Variants in GCLM observed in about 807,000 individuals in gnomAD.
GCLM encodes glutamate-cysteine ligase modifier subunit.
In GCLM, 15 loss-of-function variants were observed where a neutral mutation model predicts 36.0. The ratio of observed to expected loss-of-function variants is 0.42; its 90% CI spans 0.28 to 0.64. The LOEUF is 0.64. GCLM is among the 30% of genes least tolerant of loss of function. The pLI is 0.25. For synonymous variants in GCLM, 129 were observed against 122.8 expected (o/e 1.05, Z -0.34); for missense variants, 242 against 325.5 (o/e 0.74, Z 1.97).
intron 6 of GCLM, 55 bp downstream of exon 6, chr1:93,894,559 T>C: frequency 2.1e-6 from 2 of 953,444 alleles, no homozygotes; most frequent in South Asian, 1.3e-5. Context: ...AACAAATACC[T>C]TTTTGTAAGA....
At chr1:93,894,510 C>A in intron 6 of GCLM, 104 bp downstream of exon 6, 1 of 666,686 alleles carries the variant, frequency 1.5e-6, no homozygotes, top group Non-Finnish European at 2.7e-6. Flanking sequence ...TCAGATAACA[C>A]TGTATTTTTA....
At chr1:93,904,331 G>A in intron 2 of GCLM, 192 bp downstream of exon 2, 1 of 569,008 alleles carries the variant, frequency 1.8e-6, no homozygotes, top group Non-Finnish European at 3.2e-6. Flanking sequence ...TGGTTAAAGA[G>A]TTGCCTACGG....
At position 93,900,622 on chromosome 1, in the gene GCLM, G is replaced by T. The variant is rs184349765; in HGVS notation, c.277+963C>A. On this transcript the variant is annotated intron_variant, in intron 3 of 6. Coordinates refer to ENST00000370238, the MANE Select transcript of GCLM (RefSeq NM_002061.4). ...TGCAGGATTGTCTTGAGAATTAAAT[G>T]AGAAAATATAACCATAAAGTACCAA... Among the ~76,000 whole-genome samples the T allele has an allele frequency of 1.1e-4, 16 of 152,230 alleles. No individual in the cohort carries two copies. In the East Asian group the frequency reaches 2.9e-3, roughly 28 times the overall value.
intron 1 of GCLM, among the ~76,000 whole-genome samples, chr1:93,906,337 T>C (rs993772824): frequency 2.6e-5 from 4 of 152,192 alleles, no homozygotes; most frequent in African/African-American, 9.7e-5. Context: ...AGTATTTTCT[T>C]AAAAATTAGT....
chr1:93,906,737 G>A (rs1657158787), intron 1 of GCLM, among the ~76,000 whole-genome samples: 1 of 152,062 alleles, frequency 6.6e-6, no homozygotes, highest in Non-Finnish European at 1.5e-5. Context: ...TAATGTTTAT[G>A]TTTGTTCTCC....
In GCLM at chr1:93,886,690, T is replaced by C. The variant is rs1040386617; in HGVS notation, c.*2300A>G. On this transcript the variant is annotated 3_prime_UTR_variant, in exon 7 of 7. Transcript: ENST00000370238. Reference sequence around the variant, plus strand: ...ATACATTAGCAACTAAGTTTTTTTTTCCCCCACTTTCAAAATAACCCTTCA... The same window carrying C: ...ATACATTAGCAACTAAGTTTTTTTTCCCCCCACTTTCAAAATAACCCTTCA... The C allele has an allele frequency of 3.3e-5, 5 of 151,756 alleles. No homozygotes were observed. The highest frequency in any genetic ancestry group is 6.6e-5 in the Admixed American group (1 of 15,220). 9.4% of individuals were successfully genotyped at this position (151,756 alleles called of 1,614,324 possible). A position where few individuals can be genotyped will look rare whatever the true frequency, so the allele number is the denominator to read the frequency against.
Position 93,896,585 on chromosome 1 carries a change from TC to T in GCLM, c.540+32del. On this transcript the variant is annotated intron_variant, in intron 5 of 6. Transcript: ENST00000370238. ...GCAAAGACTGAAAAGGGCAAGTTCT[TC>T]CTGGAGTGCTCATGATCCTGCCATC... 1.3e-6 allele frequency: 2 copies of T among 1,554,802 alleles called. 1 individual carries two copies. Among genetic ancestry groups the T allele is most frequent in the Middle Eastern group, 3.4e-4 (2 of 5,948 alleles).
intron 6 of GCLM, among the ~76,000 whole-genome samples, chr1:93,891,240 C>A (rs4598495): frequency 6.6e-6 from 1 of 151,698 alleles, no homozygotes; most frequent in Admixed American, 6.6e-5. Flanking sequence ...CATATCCCAC[C>A]ACTCCTCTCC....
rs549800175 is a variant in GCLM at position 93,887,728 on chromosome 1, A to G, written c.*1262T>C. Reference sequence around the variant, plus strand: ...CGTGATCTGCCCACCTCGGCCTCCCAAAGTGCTGGGATTACAGGTGTGAGC... The same window carrying G: ...CGTGATCTGCCCACCTCGGCCTCCCGAAGTGCTGGGATTACAGGTGTGAGC... On this transcript the variant is annotated 3_prime_UTR_variant, in exon 7 of 7. Coordinates refer to ENST00000370238, the MANE Select transcript of GCLM (RefSeq NM_002061.4). 6.6e-6 allele frequency: 1 copy of G among 152,298 alleles called. No homozygotes were observed. The highest frequency in any genetic ancestry group is 2.1e-4 in the South Asian group (1 of 4,828). The allele number at this position is 152,298 out of a possible 1,614,324, so 9.4% of individuals were successfully genotyped here. A position where few individuals can be genotyped will look rare whatever the true frequency, so the allele number is the denominator to read the frequency against.
At chr1:93,898,326 A>AAAAAAAAAAAAAAAAAAC (rs1656812980) in intron 3 of GCLM, among the ~76,000 whole-genome samples, 1 of 147,772 alleles carries the variant, frequency 6.8e-6, no homozygotes, top group Non-Finnish European at 1.5e-5. Context: ...AAAAAAAAAA[A>AAAAAAAAAAAAAAAAAAC]AAAGGCCACA....
At chr1:93,898,597 C>A (rs1317466132) in intron 3 of GCLM, among the ~76,000 whole-genome samples, 1 of 152,078 alleles carries the variant, frequency 6.6e-6, no homozygotes, top group Non-Finnish European at 1.5e-5. Context: ...GCTTCGGCTT[C>A]CCAAAGTGCT....
chr1:93,909,410 C>T lies in GCLM; in HGVS notation c.-247G>A. Reference sequence around the variant, plus strand: ...CCGGCTCCGGCTACTGCGGCCGCAGCGGGAGAGCTGATTCCAAACTGAGGG... The same window carrying T: ...CCGGCTCCGGCTACTGCGGCCGCAGTGGGAGAGCTGATTCCAAACTGAGGG... On this transcript the variant is annotated 5_prime_UTR_variant, in exon 1 of 7. Coordinates refer to ENST00000370238, the MANE Select transcript of GCLM (RefSeq NM_002061.4). The T allele has an allele frequency of 2.0e-6, 1 of 511,088 alleles. No homozygotes were observed. Among genetic ancestry groups the T allele is most frequent in the Non-Finnish European group, 2.6e-6 (1 of 391,040 alleles). 31.7% of individuals were successfully genotyped at this position (511,088 alleles called of 1,614,324 possible).
At chr1:93,898,303 GAAAAAAAAAAAAA>G in intron 3 of GCLM, among the ~76,000 whole-genome samples, 1 of 16,430 alleles carries the variant, frequency 6.1e-5, no homozygotes, top group South Asian at 3.1e-3. Flanking sequence ...GAAGAAAACT[GAAAAAAAAAAAAA>G]AAAAAAAAAA....
chr1:93,900,962 C>T (rs941103541), intron 3 of GCLM, among the ~76,000 whole-genome samples: 2 of 152,176 alleles, frequency 1.3e-5, no homozygotes, highest in Non-Finnish European at 2.9e-5. Flanking sequence ...TCTTTGTTAG[C>T]CCAACATTAT....
At chr1:93,894,222 G>A (rs1362307284) in intron 6 of GCLM, among the ~76,000 whole-genome samples, 1 of 151,722 alleles carries the variant, frequency 6.6e-6, no homozygotes, top group African/African-American at 2.4e-5. Context: ...TCATGCTACT[G>A]CACTCCAGCC....
intron 3 of GCLM, among the ~76,000 whole-genome samples, chr1:93,898,213 C>A (rs1460255407): frequency 2.1e-5 from 3 of 142,686 alleles, no homozygotes; most frequent in Non-Finnish European, 3.0e-5. Context: ...ATTTTTATGA[C>A]TTAAACATTA....
intron 1 of GCLM, among the ~76,000 whole-genome samples, chr1:93,905,275 C>G (rs1405841049): frequency 6.6e-6 from 1 of 151,278 alleles, no homozygotes; most frequent in African/African-American, 2.4e-5. Flanking sequence ...GAATTCATAT[C>G]ACAACTATGC....
chr1:93,895,596 C>G (rs6667121), intron 5 of GCLM, among the ~76,000 whole-genome samples: 71,028 of 152,014 alleles, frequency 0.47, 18,584 homozygotes, highest in African/African-American at 0.71. Context: ...CTCTCCAATA[C>G]TTTCTTGTCC....
At chr1:93,908,943 C>T (rs914439316) in intron 1 of GCLM, 95 bp downstream of exon 1, 2 of 1,043,402 alleles carry the variant, frequency 1.9e-6, no homozygotes, top group African/African-American at 3.4e-5. Context: ...CCCTGCCACC[C>T]TCCCTCGCCC....
Sources: gnomAD v4.1 joint callset for allele counts (sites outside exome capture counted in the v4.1 genomes callset) on GRCh38, gnomAD v4.1.1 for gene constraint, MANE v1.5 for transcripts, NCBI Gene and HGNC (gene_info 2026-07-23, HGNC 2026-07-21) for gene names.